TMC2: variants seen among roughly 807,000 people sequenced by gnomAD.
The protein encoded by TMC2 is transmembrane channel-like protein 2.
In TMC2, 102 loss-of-function variants were observed where a neutral mutation model predicts 105.9. The observed-to-expected ratio is 0.96, with a 90% confidence interval of 0.82 to 1.14. TMC2 has a LOEUF of 1.14. TMC2 is among the 50% of genes most tolerant of loss of function. The probability of loss-of-function intolerance (pLI) is 0.00; values close to 1 mark genes in which losing one functional copy is unlikely to be tolerated. For missense variants in TMC2, 1,093 were observed against 1,134.3 expected, an observed-to-expected ratio of 0.96 and a Z score of 0.52; for synonymous variants, 402 against 422.8, an observed-to-expected ratio of 0.95 and a Z score of 0.60.
At chr20:2,546,782 G>A (rs1224053582) in intron 2 of TMC2, among the ~76,000 whole-genome samples, 2 of 152,102 alleles carry the variant, frequency 1.3e-5, no homozygotes, top group African/African-American at 4.8e-5. Context: ...AGTATCTGTA[G>A]GTGACACAGA....
At chr20:2,622,111 G>A (rs77686753) in intron 16 of TMC2, among the ~76,000 whole-genome samples, 18,006 of 152,146 alleles carry the variant, frequency 0.12, 1,213 homozygotes, top group Middle Eastern at 0.17. Context: ...CTATAACTGC[G>A]TCATTGCAAT....
At chr20:2,580,475 C>A (rs915238046) in intron 7 of TMC2, among the ~76,000 whole-genome samples, 1 of 152,024 alleles carries the variant, frequency 6.6e-6, no homozygotes, top group African/African-American at 2.4e-5. Flanking sequence ...GAGTTTTTTT[C>A]TTTTACTCTC....
intron 17 of TMC2, among the ~76,000 whole-genome samples, chr20:2,627,455 T>C (rs1001333834): frequency 6.6e-6 from 1 of 152,202 alleles, no homozygotes; most frequent in Non-Finnish European, 1.5e-5. Flanking sequence ...TGCAATTTGT[T>C]CTTCTCTGGG....
intron 2 of TMC2, among the ~76,000 whole-genome samples, chr20:2,547,572 G>A (rs1318676494): frequency 6.6e-6 from 1 of 152,156 alleles, no homozygotes; most frequent in Non-Finnish European, 1.5e-5. Context: ...TAAGGTGAAA[G>A]AACAAGTCTC....
At chr20:2,595,115 G>A (rs905869371) in intron 9 of TMC2, 148 bp downstream of exon 9, 18 of 955,710 alleles carry the variant, frequency 1.9e-5, no homozygotes, top group African/African-American at 3.3e-5. Context: ...ATAATTTGTG[G>A]TATGAAAGAC....
chr20:2,610,715 G>GA (rs2086431451), intron 12 of TMC2, 117 bp downstream of exon 12: 3 of 602,524 alleles, frequency 5.0e-6, no homozygotes, highest in Non-Finnish European at 6.8e-6. Context: ...TGTAAATTAA[G>GA]AAAAATAAAA....
At chr20:2,604,343 A>G (rs551463101) in intron 11 of TMC2, among the ~76,000 whole-genome samples, 7 of 152,160 alleles carry the variant, frequency 4.6e-5, no homozygotes, top group Non-Finnish European at 1.0e-4. Flanking sequence ...TTTGCTTATC[A>G]CCTCAGTCCA....
At chr20:2,554,762 G>A (rs1217395382) in intron 2 of TMC2, among the ~76,000 whole-genome samples, 2 of 152,108 alleles carry the variant, frequency 1.3e-5, no homozygotes, top group African/African-American at 2.4e-5. Flanking sequence ...TTCTGTTAGA[G>A]ATTTCTAGTC....
At chr20:2,588,179 C>T (rs568038289) in intron 7 of TMC2, among the ~76,000 whole-genome samples, 1 of 152,102 alleles carries the variant, frequency 6.6e-6, no homozygotes, top group African/African-American at 2.4e-5. Flanking sequence ...TTGAACACAC[C>T]ACTGCTGGCT....
At chr20:2,577,503 G>A (rs1245570479) in intron 5 of TMC2, among the ~76,000 whole-genome samples, 1 of 152,126 alleles carries the variant, frequency 6.6e-6, no homozygotes, top group Non-Finnish European at 1.5e-5. Flanking sequence ...TTGCATCTGG[G>A]ACCATCTCCC....
At chr20:2,602,397 ATAGGCTTGT>A in intron 11 of TMC2, 96 bp downstream of exon 11, 1 of 949,958 alleles carries the variant, frequency 1.1e-6, no homozygotes, top group Non-Finnish European at 1.5e-6. Flanking sequence ...AGTCTGGATT[ATAGGCTTGT>A]TTTAATAAGT....
At chr20:2,568,598 T>A (rs1040175979) in intron 4 of TMC2, among the ~76,000 whole-genome samples, 1 of 152,248 alleles carries the variant, frequency 6.6e-6, no homozygotes, top group Admixed American at 6.5e-5. Context: ...TCTTAAAACC[T>A]GGCACATTTA....
intron 18 of TMC2, 146 bp downstream of exon 18, chr20:2,636,150 C>G (rs188220371): frequency 7.7e-5 from 51 of 658,204 alleles, no homozygotes; most frequent in Non-Finnish European, 1.0e-4. Context: ...GGGAAGTAGC[C>G]TTGTGAGATT....
At chr20:2,579,625 T>C (rs932342552) in intron 6 of TMC2, among the ~76,000 whole-genome samples, 12 of 151,978 alleles carry the variant, frequency 7.9e-5, no homozygotes, top group African/African-American at 2.4e-4. Context: ...GGTTTCATCA[T>C]GTTGGCCAGG....
intron 17 of TMC2, among the ~76,000 whole-genome samples, chr20:2,633,109 A>G (rs2086616344): frequency 6.6e-6 from 1 of 152,244 alleles, no homozygotes; most frequent in Admixed American, 6.5e-5. Context: ...TTAGCTTAGT[A>G]GACACCTACT....
intron 10 of TMC2, among the ~76,000 whole-genome samples, chr20:2,601,700 C>T (rs1032249016): frequency 1.3e-5 from 2 of 151,956 alleles, no homozygotes; most frequent in Admixed American, 6.6e-5. Context: ...ATTAGCCAGG[C>T]GTGGTGGTGC....
At chr20:2,565,133 T>C (rs2086054839) in intron 4 of TMC2, among the ~76,000 whole-genome samples, 1 of 152,250 alleles carries the variant, frequency 6.6e-6, no homozygotes, top group Non-Finnish European at 1.5e-5. Context: ...GATGCTGTTC[T>C]TGTTTTCAGA....
intron 7 of TMC2, among the ~76,000 whole-genome samples, chr20:2,587,035 A>T (rs1600114591): frequency 1.3e-5 from 2 of 152,284 alleles, no homozygotes; most frequent in East Asian, 3.9e-4. Context: ...TATGAAACTG[A>T]TACTTTTTCA....
In TMC2 at chr20:2,581,485, ACT is replaced by A. The variant is rs1172778906; in HGVS notation, c.834+1432_834+1433del. ...ACGTCACTGTCAAGCGTACACAAAC[ACT>A]CTTACACCAAGTCTGGTTCTCCCCA... is the stretch of plus-strand genomic sequence containing the variant. On this transcript the variant is annotated intron_variant, in intron 7 of 19. Transcript: ENST00000358864. Among the ~76,000 whole-genome samples the A allele has an allele frequency of 3.2e-4, 48 of 152,172 alleles. 1 individual carries two copies. The highest frequency in any genetic ancestry group is 2.3e-3 in the Admixed American group (35 of 15,268).
Sources: allele counts gnomAD v4.1 joint callset (sites outside exome capture counted in the v4.1 genomes callset), GRCh38; gene constraint gnomAD v4.1.1; transcripts MANE v1.5; gene names NCBI Gene and HGNC (gene_info 2026-07-23, HGNC 2026-07-21).